Variants in FAM131B observed in about 807,000 individuals in gnomAD.
FAM131B encodes protein FAM131B.
A neutral mutation model predicts 42.0 loss-of-function variants in FAM131B; 19 were observed. The ratio of observed to expected loss-of-function variants is 0.45; its 90% confidence interval spans 0.32 to 0.66. The LOEUF (loss-of-function observed/expected upper bound fraction) is 0.66, where lower values mean the gene tolerates loss of function less well. Among genes scored for constraint, FAM131B ranks in the 30% least tolerant of loss-of-function variants. FAM131B has a pLI of 0.05. For synonymous variants in FAM131B, 183 were observed against 177.6 expected (o/e 1.03, Z -0.24); for missense variants, 370 against 468.4 (o/e 0.79, Z 1.94).
At chr7:143,381,864 G>A in the FAM131B span, 1 of 1,326,846 alleles carries the variant, frequency 7.5e-7, no homozygotes, top group East Asian at 2.5e-5. Context: ...TGTCTGGAAA[G>A]GTTGTTGCCG....
the FAM131B span, among the ~76,000 whole-genome samples, chr7:143,378,474 CT>C: frequency 6.6e-6 from 1 of 152,028 alleles, no homozygotes; most frequent in South Asian, 2.1e-4. Context: ...TTCTTATTTG[CT>C]GTACTTCACA....
At chr7:143,378,312 G>A in the FAM131B span, among the ~76,000 whole-genome samples, 8 of 152,188 alleles carry the variant, frequency 5.3e-5, no homozygotes, top group South Asian at 1.5e-3. Context: ...TTTATGCTGT[G>A]CACTCTTGAA....
chr7:143,380,219 T>C, the FAM131B span: 1 of 978,810 alleles, frequency 1.0e-6, no homozygotes, highest in Non-Finnish European at 1.2e-6. This position sits in a 1 kb window ranked among gnomAD's most constrained non-coding sequence, Gnocchi z 5.0. Context: ...TTGGGGAAGT[T>C]TCCCAGTGCA....
At chr7:143,381,482 T>G in the FAM131B span, 1 of 1,394,218 alleles carries the variant, frequency 7.2e-7, no homozygotes, top group South Asian at 1.6e-5. Flanking sequence ...CGAGTGGGGG[T>G]CACCAAGGGG....
At chr7:143,379,326 G>A in the FAM131B span, among the ~76,000 whole-genome samples, 287 of 152,300 alleles carry the variant, frequency 1.9e-3, 3 homozygotes, top group African/African-American at 6.5e-3. Context: ...TTTCTAACAT[G>A]TCTTCAGAGA....
rs1803787353 is a variant in FAM131B, at chr7:143,358,395, TC to T, written c.466+431del. On this transcript the variant is annotated intron_variant, in intron 5 of 6. Coordinates refer to ENST00000443739, the MANE Select transcript of FAM131B (RefSeq NM_001031690.3). The surrounding 1 kb of genome is among the most constrained non-coding windows in gnomAD (Gnocchi z 4.7). ...GTAGGCCTCCCGTCTCTCACACAGT[TC>T]CCTTAATCTTCTAGTGGTTGTCACA... 6.6e-6 allele frequency among the ~76,000 whole-genome samples: 1 copy of T among 152,184 alleles called. No homozygotes were observed. The highest frequency in any genetic ancestry group is 2.1e-4 in the South Asian group (1 of 4,834).
the FAM131B span, among the ~76,000 whole-genome samples, chr7:143,376,506 G>A: frequency 0.014 from 2,070 of 152,314 alleles, 55 homozygotes; most frequent in African/African-American, 0.048. Context: ...AAGGAAACGT[G>A]GGCATTTGTG....
Position 143,359,330 on chromosome 7 carries a change from G to A in FAM131B, c.264C>T (p.Phe88=). ...TTCTTACATCAGGAGTCTCACCTGA[G>A]AATGATGACTTGGCCAGGGCCCCAA... The part of the protein sequence containing the change: ...YGIGALAKSS[F]SGISRSMKDH... Residue 88 remains phenylalanine (F), a synonymous_variant, in exon 4 of 7, where the codon TTC becomes TTT. Coordinates refer to ENST00000443739, the MANE Select transcript of FAM131B (RefSeq NM_001031690.3). The surrounding 1 kb of genome is among the most constrained non-coding windows in gnomAD (Gnocchi z 5.4). 3.1e-6 allele frequency: 5 copies of A among 1,611,402 alleles called. No individual in the cohort carries two copies. The highest frequency in any genetic ancestry group is 4.2e-6 in the Non-Finnish European group (5 of 1,177,898).
the FAM131B span, chr7:143,381,150 G>A: frequency 6.0e-5 from 58 of 973,812 alleles, no homozygotes; most frequent in African/African-American, 9.6e-4. Flanking sequence ...CGGAGCCTCC[G>A]GCCTGAGGCA....
At chr7:143,374,736 G>A in the FAM131B span, among the ~76,000 whole-genome samples, 5 of 152,106 alleles carry the variant, frequency 3.3e-5, no homozygotes, top group South Asian at 2.1e-4. Context: ...TCTCTAGTGC[G>A]CCCACAGCTG....
chr7:143,377,120 C>T, the FAM131B span, among the ~76,000 whole-genome samples: 1 of 152,050 alleles, frequency 6.6e-6, no homozygotes, highest in Non-Finnish European at 1.5e-5. Context: ...ACCAACCCGG[C>T]TTATGTTTGT....
upstream of FAM131B, among the ~76,000 whole-genome samples, chr7:143,363,468 T>A (rs1804090974): frequency 6.6e-6 from 1 of 152,154 alleles, no homozygotes; most frequent in African/African-American, 2.4e-5. Context: ...TTAACTTTTC[T>A]GAGACGTGAT....
At chr7:143,375,867 C>T in the FAM131B span, among the ~76,000 whole-genome samples, 1 of 152,216 alleles carries the variant, frequency 6.6e-6, no homozygotes, top group African/African-American at 2.4e-5. Context: ...GCGGCTGCCT[C>T]GGTGCCAGCA....
At chr7:143,380,742 G>C in the FAM131B span, 200 of 985,322 alleles carry the variant, frequency 2.0e-4, no homozygotes, top group Non-Finnish European at 2.2e-4. The surrounding 1 kb of genome is among the most constrained non-coding windows in gnomAD (Gnocchi z 5.0). Flanking sequence ...AGTCAGCTGG[G>C]GGGTGCTGGG....
Position 143,362,049 on chromosome 7 carries a change from C to A in FAM131B, c.28+527G>T, listed in dbSNP as rs1804025747. On this transcript the variant is annotated intron_variant, in intron 1 of 6. Transcript: ENST00000443739. The surrounding 1 kb of genome is among the most constrained non-coding windows in gnomAD (Gnocchi z 7.7). Reference sequence around the variant, plus strand: ...AGCGAATCGGAGGAGGCAGGAACGACAGTAAAAGGCAACGGAGAGGGAGAG... The same window carrying A: ...AGCGAATCGGAGGAGGCAGGAACGAAAGTAAAAGGCAACGGAGAGGGAGAG... 3 of 985,128 alleles carry A rather than the reference C, an allele frequency of 3.0e-6. No homozygotes were observed. In the African/African-American group the frequency reaches 5.2e-5, roughly 17 times the overall value. 61.0% of individuals were successfully genotyped at this position (985,128 alleles called of 1,614,324 possible). A position where few individuals can be genotyped will look rare whatever the true frequency, so the allele number is the denominator to read the frequency against.
In FAM131B at chr7:143,362,462, G is replaced by T; in HGVS notation, c.28+114C>A. On this transcript the variant is annotated intron_variant, in intron 1 of 6. Coordinates refer to ENST00000443739, the MANE Select transcript of FAM131B (RefSeq NM_001031690.3). The surrounding 1 kb of genome is among the most constrained non-coding windows in gnomAD (Gnocchi z 7.7). ...CGGAAGGAAAGTGAAGGAGCTAGCAGGGCAAGGCGGGTGCGGAGCGGGGCG... is the reference window on the plus strand; with the variant it reads ...CGGAAGGAAAGTGAAGGAGCTAGCATGGCAAGGCGGGTGCGGAGCGGGGCG... 2.5e-6 allele frequency: 1 copy of T among 396,102 alleles called. No individual in the cohort carries two copies. Among genetic ancestry groups the T allele is most frequent in the Non-Finnish European group, 4.3e-6 (1 of 231,624 alleles). The allele number at this position is 396,102 out of a possible 1,614,324, so 24.5% of individuals were successfully genotyped here.
the FAM131B span, chr7:143,382,230 T>G: frequency 1.2e-6 from 2 of 1,609,684 alleles, no homozygotes; most frequent in Non-Finnish European, 1.7e-6. Flanking sequence ...GCCGACGTCT[T>G]TCTCCTTCCT....
chr7:143,357,107 G>A (rs1803701474), intron 6 of FAM131B, 85 bp from the exon 7 acceptor site: 1 of 1,183,682 alleles, frequency 8.4e-7, no homozygotes, highest in Non-Finnish European at 1.2e-6. Context: ...AGACAGCTAA[G>A]AGACAGCACA....
At chr7:143,381,362 G>A in the FAM131B span, 4 of 1,157,570 alleles carry the variant, frequency 3.5e-6, no homozygotes, top group South Asian at 4.0e-5. Flanking sequence ...CTGCGGACCC[G>A]GCGCCGAGGC....
Sources: allele counts gnomAD v4.1 joint callset (sites outside exome capture counted in the v4.1 genomes callset), GRCh38; gene constraint gnomAD v4.1.1; non-coding constraint Gnocchi (gnomAD v3.1); transcripts MANE v1.5; gene names NCBI Gene and HGNC (gene_info 2026-07-23, HGNC 2026-07-21).